The following CFAP299 variants were observed in gnomAD, a reference collection of about 807,000 sequenced individuals.
CFAP299 encodes cilia and flagella associated protein 299.
In CFAP299, 21 loss-of-function variants were observed where a neutral mutation model predicts 27.0. The observed-to-expected ratio is 0.78, with a 90% CI of 0.55 to 1.12. The LOEUF (loss-of-function observed/expected upper bound fraction) is 1.12. Ranked by LOEUF, CFAP299 falls within the 50% of genes most tolerant of loss-of-function variation. The pLI, the probability that CFAP299 is intolerant of heterozygous loss-of-function variation, is 0.00. For synonymous variants in CFAP299, 104 were observed against 98.1 expected (o/e 1.06, Z -0.36); for missense variants, 310 against 276.6 (o/e 1.12, Z -0.86).
chr4:80,676,465 C>T (rs1459635522), intron 3 of CFAP299, among the ~76,000 whole-genome samples: 1 of 151,996 alleles, frequency 6.6e-6, no homozygotes, highest in East Asian at 1.9e-4. Flanking sequence ...ATAATGCTGG[C>T]CTGGTAGAAT....
chr4:80,656,704 A>T (rs1740575437), intron 3 of CFAP299, among the ~76,000 whole-genome samples: 1 of 152,148 alleles, frequency 6.6e-6, no homozygotes, highest in Admixed American at 6.5e-5. Flanking sequence ...ATGTGTCTTT[A>T]TAGTAGAATG....
chr4:80,866,166 A>G (rs1378706995), intron 3 of CFAP299, among the ~76,000 whole-genome samples: 3 of 145,440 alleles, frequency 2.1e-5, no homozygotes, highest in Non-Finnish European at 4.5e-5. Context: ...GGGAATTTAC[A>G]TTTGTTCTAT....
chr4:80,678,121 C>G (rs1168095985), intron 3 of CFAP299, among the ~76,000 whole-genome samples: 2 of 151,852 alleles, frequency 1.3e-5, no homozygotes, highest in Non-Finnish European at 2.9e-5. Context: ...CTTGGGATAT[C>G]TCTTCTATGA....
intron 2 of CFAP299, among the ~76,000 whole-genome samples, chr4:80,418,577 T>C (rs1278326403): frequency 6.6e-6 from 1 of 152,166 alleles, no homozygotes; most frequent in Non-Finnish European, 1.5e-5. Context: ...GCAATTGATC[T>C]AAAAACAATC....
intron 3 of CFAP299, among the ~76,000 whole-genome samples, chr4:80,721,697 T>C (rs1343986985): frequency 6.6e-6 from 1 of 151,982 alleles, no homozygotes; most frequent in Admixed American, 6.6e-5. Flanking sequence ...AATAGAAAAT[T>C]TTAAGAGAAA....
intron 4 of CFAP299, among the ~76,000 whole-genome samples, chr4:80,888,739 A>G (rs762258176): frequency 2.0e-5 from 3 of 152,080 alleles, no homozygotes; most frequent in Admixed American, 6.6e-5. Flanking sequence ...AAGTATTTAA[A>G]TTTTCAAAAA....
chr4:80,359,305 G>A (rs1723428174), intron 1 of CFAP299, among the ~76,000 whole-genome samples: 1 of 152,082 alleles, frequency 6.6e-6, no homozygotes, highest in South Asian at 2.1e-4. Flanking sequence ...TCTTGGAGAT[G>A]ATCTTCTTGT....
chr4:80,630,956 G>C (rs1396140994), intron 3 of CFAP299, among the ~76,000 whole-genome samples: 1 of 152,038 alleles, frequency 6.6e-6, no homozygotes, highest in Non-Finnish European at 1.5e-5. Context: ...ATGACAGGAA[G>C]ATGCTATTTA....
At chr4:80,949,606 G>A (rs550115112) in intron 5 of CFAP299, among the ~76,000 whole-genome samples, 1 of 151,568 alleles carries the variant, frequency 6.6e-6, no homozygotes, top group Non-Finnish European at 1.5e-5. Flanking sequence ...GAACTAGAGA[G>A]GGGGAGAATC....
At chr4:80,453,710 G>A (rs766876214) in intron 2 of CFAP299, among the ~76,000 whole-genome samples, 11 of 151,370 alleles carry the variant, frequency 7.3e-5, no homozygotes, top group South Asian at 2.1e-4. Context: ...GCTTCTTGGC[G>A]CGTGCCTGTA....
At chr4:80,449,925 C>T (rs1410522908) in intron 2 of CFAP299, among the ~76,000 whole-genome samples, 3 of 152,034 alleles carry the variant, frequency 2.0e-5, no homozygotes, top group South Asian at 2.1e-4. Flanking sequence ...TGAAATTCAT[C>T]ATCACTAATT....
intron 3 of CFAP299, among the ~76,000 whole-genome samples, chr4:80,863,404 G>C (rs924063205): frequency 6.6e-6 from 1 of 152,066 alleles, no homozygotes; most frequent in African/African-American, 2.4e-5. Flanking sequence ...TATATTAATG[G>C]TCTAAATTTT....
At chr4:80,321,300 C>T in the CFAP299 span, among the ~76,000 whole-genome samples, 1 of 152,198 alleles carries the variant, frequency 6.6e-6, no homozygotes, top group Admixed American at 6.5e-5. Context: ...TCAAATGTAT[C>T]TTTGATGATC....
intron 2 of CFAP299, chr4:80,387,645 G>A: frequency 6.6e-7 from 1 of 1,524,520 alleles, no homozygotes; most frequent in Non-Finnish European, 9.1e-7. Flanking sequence ...GCCATACCTT[G>A]TGGGTCTGCA....
intron 5 of CFAP299, among the ~76,000 whole-genome samples, chr4:80,948,230 G>A (rs1327354213): frequency 6.6e-6 from 1 of 152,198 alleles, no homozygotes; most frequent in African/African-American, 2.4e-5. Context: ...AAAGGCAGTT[G>A]TTTGGGAATG....
At chr4:80,583,261 T>A (rs1027889029) in intron 3 of CFAP299, 78 bp downstream of exon 3, 1 of 759,996 alleles carries the variant, frequency 1.3e-6, no homozygotes, top group Non-Finnish European at 2.1e-6. Flanking sequence ...ACATTAAATA[T>A]CTTTCTTAAA....
In CFAP299 at chr4:80,686,761, G is replaced by T. The variant is rs187427597; in HGVS notation, c.333+103578G>T. Among the ~76,000 whole-genome samples, 119 of 152,298 alleles carry T rather than the reference G, an allele frequency of 7.8e-4. 1 individual carries two copies. Among genetic ancestry groups the T allele is most frequent in the African/African-American group, 2.7e-3 (111 of 41,574 alleles). ...TGTGATGTGAAGCAGCTGTCTTGCA[G>T]AATGAAAATATGGACAAATTCCTGC... On this transcript the variant is annotated intron_variant, in intron 3 of 5. Transcript: ENST00000358105.
At chr4:80,684,610 G>A (rs896038186) in intron 3 of CFAP299, among the ~76,000 whole-genome samples, 10 of 152,008 alleles carry the variant, frequency 6.6e-5, no homozygotes. Context: ...ATTAAACACT[G>A]GTTTAATGCA....
intron 3 of CFAP299, among the ~76,000 whole-genome samples, chr4:80,759,304 C>A (rs1725424184): frequency 6.6e-6 from 1 of 152,030 alleles, no homozygotes; most frequent in African/African-American, 2.4e-5. Flanking sequence ...AGAATGTGTA[C>A]AATAACTACA....
Sources: allele counts gnomAD v4.1 joint callset (sites outside exome capture counted in the v4.1 genomes callset), GRCh38; gene constraint gnomAD v4.1.1; transcripts MANE v1.5; gene names NCBI Gene and HGNC (gene_info 2026-07-23, HGNC 2026-07-21).